The following KATNAL2 variants were observed in gnomAD, a reference collection of about 807,000 sequenced individuals.
KATNAL2 encodes katanin p60 ATPase-containing subunit A-like 2.
A neutral mutation model predicts 76.3 loss-of-function variants in KATNAL2; 52 were observed. The ratio of observed to expected loss-of-function variants is 0.68; its 90% CI spans 0.55 to 0.86. KATNAL2 has a LOEUF of 0.86. Ranked by LOEUF, KATNAL2 falls within the 40% of genes least tolerant of loss-of-function variation. KATNAL2 has a pLI of 0.00. For missense variants in KATNAL2, 660 were observed against 668.9 expected (o/e 0.99, Z 0.15); for synonymous variants, 243 against 244.2 (o/e 1.00, Z 0.05).
At chr18:47,036,432 T>G in intron 3 of KATNAL2, among the ~76,000 whole-genome samples, 1 of 152,252 alleles carries the variant, frequency 6.6e-6, no homozygotes, top group Middle Eastern at 3.2e-3. Context: ...ACTGTTGCCA[T>G]GACCTCTTCT....
chr18:46,918,081 G>C (rs1054747451), intron 1 of KATNAL2, 155 bp downstream of exon 1: 6 of 152,070 alleles, frequency 3.9e-5, no homozygotes, highest in African/African-American at 9.7e-5. Flanking sequence ...GTGGGGTTGG[G>C]GGCGGGGAGA....
At chr18:46,925,795 T>G (rs1483063490) in intron 1 of KATNAL2, among the ~76,000 whole-genome samples, 2 of 152,240 alleles carry the variant, frequency 1.3e-5, no homozygotes, top group Non-Finnish European at 2.9e-5. Flanking sequence ...ATTCAACTTC[T>G]TCCTGGTTTA....
intron 3 of KATNAL2, chr18:47,034,763 A>C: frequency 6.2e-7 from 1 of 1,609,374 alleles, no homozygotes; most frequent in Non-Finnish European, 8.5e-7. Context: ...GAGGCCCGAT[A>C]GCGGCCGGAA....
At chr18:47,057,091 G>A (rs747656136) in intron 6 of KATNAL2, among the ~76,000 whole-genome samples, 3 of 152,180 alleles carry the variant, frequency 2.0e-5, no homozygotes, top group Non-Finnish European at 4.4e-5. Context: ...GACATTGGTG[G>A]TGTTATCGAC....
At chr18:46,951,102 T>C (rs2059541498) in intron 3 of KATNAL2, among the ~76,000 whole-genome samples, 1 of 152,178 alleles carries the variant, frequency 6.6e-6, no homozygotes, top group South Asian at 2.1e-4. Flanking sequence ...CCACCATCAG[T>C]ATGTATTTCC....
rs188646713 is a variant in KATNAL2, at chr18:46,961,692, A to G, written c.51+14769A>G. Among the ~76,000 whole-genome samples, 893 of 152,314 alleles carry G rather than the reference A, an allele frequency of 5.9e-3. 7 individuals are homozygous for G. Among genetic ancestry groups the G allele is most frequent in the African/African-American group, 0.014 (584 of 41,566 alleles). On this transcript the variant is annotated intron_variant, in intron 3 of 17. Coordinates refer to ENST00000683218, the MANE Select transcript of KATNAL2 (RefSeq NM_001387690.1). ...CCATATTTTTGACCACCAATTTTTG[A>G]AAATCTATTGGCAGACAGCAATTGC...
At position 46,968,994 on chromosome 18, in the gene KATNAL2, TTGTC is replaced by T. The variant is rs1289475490; in HGVS notation, c.51+22076_51+22079del. 1.8e-5 allele frequency: 18 copies of T among 1,013,302 alleles called. No homozygotes were observed. In the African/African-American group the frequency reaches 3.4e-4, roughly 19 times the overall value. The allele number at this position is 1,013,302 out of a possible 1,614,324, so 62.8% of individuals were successfully genotyped here. ...GCCACAGAGTTGAAACAGATCATCT[TTGTC>T]TGTCGGCCGCTGGGTTTGTTTTCAC... On this transcript the variant is annotated intron_variant, in intron 3 of 17. Transcript: ENST00000683218.
Position 47,055,975 on chromosome 18 carries a change from G to A in KATNAL2, c.332+1537G>A, listed in dbSNP as rs143163241. On this transcript the variant is annotated intron_variant, in intron 6 of 17. Transcript: ENST00000683218. ...GGAAAGTAATGAATGGTGTTTCTGC[G>A]GACAATTTATACTCAAATATAGTTA... 1.5e-4 allele frequency among the ~76,000 whole-genome samples: 23 copies of A among 152,228 alleles called. No individual in the cohort carries two copies. The East Asian group carries it at 2.3e-3, about 15-fold the overall frequency.
chr18:47,087,091 C>A (rs1186019396), intron 15 of KATNAL2, among the ~76,000 whole-genome samples: 2 of 152,144 alleles, frequency 1.3e-5, no homozygotes. Flanking sequence ...TTGTATCTAC[C>A]TTTCTGGTGA....
intron 1 of KATNAL2, among the ~76,000 whole-genome samples, chr18:46,927,593 G>A (rs1224211735): frequency 6.6e-6 from 1 of 152,004 alleles, no homozygotes; most frequent in East Asian, 1.9e-4. Context: ...GAGTATTTTT[G>A]TGGCATTCAC....
At position 47,084,295 on chromosome 18, in the gene KATNAL2, G is replaced by C. The variant is rs182796735; in HGVS notation, c.1211+6834G>C. 10 of 701,970 alleles carry C rather than the reference G, an allele frequency of 1.4e-5. No homozygotes were observed. The Admixed American group carries it at 2.0e-4, about 14-fold the overall frequency. 43.5% of individuals were successfully genotyped at this position (701,970 alleles called of 1,614,324 possible). A position where few individuals can be genotyped will look rare whatever the true frequency, so the allele number is the denominator to read the frequency against. ...CTATAGCAATGCATGCATGTGATTG[G>C]AGGGATAAGCAGATGTAACCCTTGT... On this transcript the variant is annotated intron_variant, in intron 15 of 17. Transcript: ENST00000683218.
chr18:46,948,888 TTGTGTGTGTG>T (rs71264810), intron 3 of KATNAL2, among the ~76,000 whole-genome samples: 16 of 145,890 alleles, frequency 1.1e-4, no homozygotes, highest in Non-Finnish European at 1.5e-4. Flanking sequence ...AGTATCTGCA[TTGTGTGTGTG>T]TGTGTGTGTG....
At chr18:47,037,007 GC>G (rs1471850010) in intron 3 of KATNAL2, among the ~76,000 whole-genome samples, 1 of 152,188 alleles carries the variant, frequency 6.6e-6, no homozygotes, top group Non-Finnish European at 1.5e-5. Context: ...AATATTAGAT[GC>G]AGGGACTGTA....
intron 1 of KATNAL2, among the ~76,000 whole-genome samples, chr18:46,929,818 G>A (rs1057020145): frequency 1.3e-4 from 19 of 151,754 alleles, no homozygotes; most frequent in African/African-American, 4.6e-4. Flanking sequence ...CTTGTCACCC[G>A]GGCTAGAGTA....
At chr18:47,034,697 C>T in intron 3 of KATNAL2, 2 of 1,612,960 alleles carry the variant, frequency 1.2e-6, no homozygotes, top group South Asian at 1.1e-5. Context: ...GGTTGCTTCC[C>T]GGGCGCAGCG....
At chr18:47,073,054 A>T (rs1016719848) in intron 13 of KATNAL2, among the ~76,000 whole-genome samples, 3 of 152,170 alleles carry the variant, frequency 2.0e-5, no homozygotes, top group Admixed American at 2.0e-4. Context: ...TCGCCAAGTC[A>T]GAGGGAACAG....
chr18:47,084,884 C>T (rs1458217527), intron 15 of KATNAL2, among the ~76,000 whole-genome samples: 1 of 125,444 alleles, frequency 8.0e-6, no homozygotes, highest in Non-Finnish European at 1.8e-5. Context: ...AAGCCTGCCT[C>T]TGGACTCTTG....
intron 11 of KATNAL2, among the ~76,000 whole-genome samples, chr18:47,067,800 G>A (rs1271737125): frequency 2.0e-5 from 3 of 152,222 alleles, no homozygotes; most frequent in African/African-American, 7.2e-5. Context: ...TAATTCCGTG[G>A]GTAGGCAGTT....
chr18:46,931,440 T>A (rs2058919253), intron 1 of KATNAL2, among the ~76,000 whole-genome samples: 1 of 152,002 alleles, frequency 6.6e-6, no homozygotes, highest in Non-Finnish European at 1.5e-5. Flanking sequence ...TCACCTGAGG[T>A]CAGGAGTTCG....
Sources: allele counts gnomAD v4.1 joint callset (sites outside exome capture counted in the v4.1 genomes callset), GRCh38; gene constraint gnomAD v4.1.1; transcripts MANE v1.5; gene names NCBI Gene and HGNC (gene_info 2026-07-23, HGNC 2026-07-21).